Variants in TASP1 observed in about 807,000 individuals in gnomAD.
TASP1 encodes taspase 1.
In TASP1, 16 loss-of-function variants were observed where a neutral mutation model predicts 56.6. The ratio of observed to expected loss-of-function variants is 0.28; its 90% confidence interval spans 0.19 to 0.43. The LOEUF (loss-of-function observed/expected upper bound fraction) is 0.43. Ranked by LOEUF, TASP1 falls within the 20% of genes least tolerant of loss-of-function variation. The probability of loss-of-function intolerance (pLI) is 1.00; values close to 1 mark genes in which losing one functional copy is unlikely to be tolerated. For synonymous variants in TASP1, 179 were observed against 184.2 expected (o/e 0.97, Z 0.23); for missense variants, 393 against 511.6 (o/e 0.77, Z 2.24).
At chr20:13,631,280 G>T (rs945843245) in intron 1 of TASP1, among the ~76,000 whole-genome samples, 4 of 152,060 alleles carry the variant, frequency 2.6e-5, no homozygotes, top group Non-Finnish European at 5.9e-5. Context: ...ATTCACAAAT[G>T]CAGGAAAAAA....
intron 3 of TASP1, 24 bp downstream of exon 3, chr20:13,625,161 A>G (rs755006965): frequency 4.5e-6 from 7 of 1,543,650 alleles, no homozygotes; most frequent in Non-Finnish European, 6.1e-6. Flanking sequence ...TGCAATGCAC[A>G]GATCATACAC....
chr20:13,578,898 T>C (rs950819293), intron 6 of TASP1, among the ~76,000 whole-genome samples: 1 of 152,222 alleles, frequency 6.6e-6, no homozygotes, highest in Non-Finnish European at 1.5e-5. Context: ...CTCTTTCATC[T>C]GTTTTACAAC....
Position 13,390,226 on chromosome 20 carries a change from GT to G in TASP1, c.*133del. 1 of 754,574 alleles carries G rather than the reference GT, an allele frequency of 1.3e-6. No homozygotes were observed. Among genetic ancestry groups the G allele is most frequent in the Non-Finnish European group, 2.2e-6 (1 of 464,614 alleles). 46.7% of individuals were successfully genotyped at this position (754,574 alleles called of 1,614,324 possible). ...CTAAGCGCTAACTACAGCAGCACTT[GT>G]GTCTCGAGCAGTGCACGAGGTTGCA... On this transcript the variant is annotated 3_prime_UTR_variant, in exon 14 of 14. Coordinates refer to ENST00000337743, the MANE Select transcript of TASP1 (RefSeq NM_017714.3).
chr20:13,482,965 T>C (rs957458998), intron 11 of TASP1, among the ~76,000 whole-genome samples: 8 of 152,186 alleles, frequency 5.3e-5, no homozygotes, highest in Non-Finnish European at 8.8e-5. Context: ...TATTAACATA[T>C]GGTTATGTAT....
At chr20:13,240,970 G>C in the TASP1 span, among the ~76,000 whole-genome samples, 37,726 of 152,146 alleles carry the variant, frequency 0.25, 4,773 homozygotes, top group African/African-American at 0.3. Flanking sequence ...GGGAGGCTGT[G>C]AAGTGGACAG....
At chr20:13,549,426 GTGTGTGTGTGTGTA>G (rs888774954) in intron 8 of TASP1, among the ~76,000 whole-genome samples, 3 of 151,498 alleles carry the variant, frequency 2.0e-5, no homozygotes, top group Admixed American at 6.6e-5. Flanking sequence ...TGTAATAGGT[GTGTGTGTGTGTGTA>G]TGTGTGTGTG....
chr20:13,544,651 A>C (rs1217662066), intron 8 of TASP1, among the ~76,000 whole-genome samples: 1 of 152,242 alleles, frequency 6.6e-6, no homozygotes, highest in African/African-American at 2.4e-5. Flanking sequence ...TAAATAGCAA[A>C]GAAATCTCCT....
chr20:13,304,603 T>C, the TASP1 span, among the ~76,000 whole-genome samples: 1 of 152,132 alleles, frequency 6.6e-6, no homozygotes, highest in Non-Finnish European at 1.5e-5. Flanking sequence ...TGGAGCCCAG[T>C]GAGCTTGCAC....
At chr20:13,111,081 G>A in the TASP1 span, among the ~76,000 whole-genome samples, 1 of 152,036 alleles carries the variant, frequency 6.6e-6, no homozygotes, top group South Asian at 2.1e-4. Context: ...AAAAAAAAGT[G>A]AATTCTCCCA....
chr20:13,172,260 G>C, the TASP1 span, among the ~76,000 whole-genome samples: 1 of 151,640 alleles, frequency 6.6e-6, no homozygotes, highest in African/African-American at 2.4e-5. Context: ...ACTATCCCAA[G>C]GATAAAGGGA....
the TASP1 span, among the ~76,000 whole-genome samples, chr20:13,308,115 T>A: frequency 3.9e-5 from 6 of 152,196 alleles, no homozygotes; most frequent in Non-Finnish European, 8.8e-5. Context: ...CTCTGTGATC[T>A]CTTAATTATT....
the TASP1 span, among the ~76,000 whole-genome samples, chr20:13,149,781 A>G: frequency 6.6e-6 from 1 of 152,230 alleles, no homozygotes; most frequent in Non-Finnish European, 1.5e-5. Flanking sequence ...TTAGCTGATG[A>G]TCCAGTTTCT....
chr20:13,321,493 C>A, the TASP1 span, among the ~76,000 whole-genome samples: 1 of 152,118 alleles, frequency 6.6e-6, no homozygotes. Context: ...ATTCTGGCCC[C>A]AGAAGCATCT....
chr20:13,128,130 T>G, the TASP1 span, among the ~76,000 whole-genome samples: 1 of 152,244 alleles, frequency 6.6e-6, no homozygotes, highest in Non-Finnish European at 1.5e-5. Flanking sequence ...ACAAAATATT[T>G]AACATTGTGT....
chr20:13,231,474 G>A, the TASP1 span, among the ~76,000 whole-genome samples: 1 of 152,170 alleles, frequency 6.6e-6, no homozygotes, highest in African/African-American at 2.4e-5. Context: ...TACTATCTTA[G>A]GTGGGAGGAT....
chr20:13,390,416 C>T lies in TASP1; in HGVS notation c.1207G>A (p.Gly403Arg). 6.2e-7 allele frequency: 1 copy of T among 1,614,024 alleles called. No individual in the cohort carries two copies. Among genetic ancestry groups the T allele is most frequent in the Non-Finnish European group, 8.5e-7 (1 of 1,179,952 alleles). ...ISRLPPGAVAGQSVAIEGGVC... is the reference protein window; with the variant it reads ...ISRLPPGAVARQSVAIEGGVC... Reference sequence around the variant, plus strand: ...CCACCTTCGATTGCCACAGACTGTCCTGCCACCGCACCAGGAGGAAGTCTT... The same window carrying T: ...CCACCTTCGATTGCCACAGACTGTCTTGCCACCGCACCAGGAGGAAGTCTT... The change falls in exon 14 of 14, where the codon GGA becomes AGA. Residue 403 changes from glycine (G) to arginine (R), a missense_variant. By Grantham distance (125) the Gly-to-Arg change is moderately radical. This residue lies in a region of TASP1 where 293 missense variants were observed against 354.2 expected (regional missense o/e 0.83). Coordinates refer to ENST00000337743, the MANE Select transcript of TASP1 (RefSeq NM_017714.3).
At chr20:13,552,790 A>G (rs2046022540) in intron 8 of TASP1, among the ~76,000 whole-genome samples, 1 of 152,364 alleles carries the variant, frequency 6.6e-6, no homozygotes, top group Non-Finnish European at 1.5e-5. Context: ...ATAAATTTTT[A>G]TCCTAAATAA....
chr20:13,364,489 A>T, the TASP1 span, among the ~76,000 whole-genome samples: 1 of 152,132 alleles, frequency 6.6e-6, no homozygotes. Flanking sequence ...GAGGCTGATT[A>T]GGTCTTGTCA....
At chr20:13,415,799 A>G (rs1209334092) in intron 13 of TASP1, among the ~76,000 whole-genome samples, 2 of 152,180 alleles carry the variant, frequency 1.3e-5, no homozygotes, top group Non-Finnish European at 2.9e-5. Context: ...TAACATAATC[A>G]TACCCCATCA....
Sources: allele counts gnomAD v4.1 joint callset (sites outside exome capture counted in the v4.1 genomes callset), GRCh38; gene constraint gnomAD v4.1.1; regional missense constraint gnomAD v4.1.1; transcripts MANE v1.5; gene names NCBI Gene and HGNC (gene_info 2026-07-23, HGNC 2026-07-21).